DDR1: variants seen among roughly 807,000 people sequenced by gnomAD.
DDR1 encodes the protein epithelial discoidin domain-containing receptor 1.
A neutral mutation model predicts 97.4 loss-of-function variants in DDR1; 64 were observed. The observed-to-expected ratio is 0.66, with a 90% CI of 0.54 to 0.81. The LOEUF (loss-of-function observed/expected upper bound fraction) is 0.81, where lower values mean the gene tolerates loss of function less well. DDR1 is among the 30% of genes least tolerant of loss of function. DDR1 has a pLI of 0.00. For synonymous variants in DDR1, 458 were observed against 503.7 expected (o/e 0.91, Z 1.21); for missense variants, 990 against 1,259.6 (o/e 0.79, Z 3.24).
At position 30,897,160 on chromosome 6, in the gene DDR1, A is replaced by T. The variant is rs763752812; in HGVS notation, c.1997+19A>T. 6 of 1,612,752 alleles carry T rather than the reference A, an allele frequency of 3.7e-6. No individual in the cohort carries two copies. In the South Asian group the frequency reaches 6.6e-5, roughly 18 times the overall value. On this transcript the variant is annotated intron_variant, in intron 14 of 17. Transcript: ENST00000376568. The surrounding 1 kb of genome is among the most constrained non-coding windows in gnomAD (Gnocchi z 5.2). Reference sequence around the variant, plus strand: ...ATGCCAGGTGAGGACCAGGGATGGCATCTGGAAGAAGGGAGGGGAGGCCGT... The same window carrying T: ...ATGCCAGGTGAGGACCAGGGATGGCTTCTGGAAGAAGGGAGGGGAGGCCGT...
In DDR1 at chr6:30,895,487, G is replaced by T. The variant is rs138565451; in HGVS notation, c.1597G>T (p.Ala533Ser). The change falls in exon 12 of 18, where the codon GCC becomes TCC. Residue 533 changes from alanine (A) to serine (S), a missense_variant. Transcript: ENST00000376568. The part of the protein sequence containing the change: ...PPRGPGPPTP[A>S]WAKPTNTQAY... ...TCGAGGCCCGGGCCCCCCCACACCC[G>T]CCTGGGCCAAACCCACCAACACCCA... 2.6e-5 allele frequency: 42 copies of T among 1,600,546 alleles called. No homozygotes were observed. In the African/African-American group the frequency reaches 4.6e-4, roughly 17 times the overall value.
chr6:30,891,545 G>GTGTGTT lies in DDR1; in HGVS notation c.665+71_665+72insTTGTGT. 1.1e-6 allele frequency: 1 copy of GTGTGTT among 930,592 alleles called. No homozygotes were observed. Among genetic ancestry groups the GTGTGTT allele is most frequent in the Admixed American group, 2.1e-5 (1 of 47,572 alleles). 57.6% of individuals were successfully genotyped at this position (930,592 alleles called of 1,614,324 possible). A position where few individuals can be genotyped will look rare whatever the true frequency, so the allele number is the denominator to read the frequency against. On this transcript the variant is annotated intron_variant, in intron 6 of 17. Coordinates refer to ENST00000376568, the MANE Select transcript of DDR1 (RefSeq NM_001297654.2). This position sits in a 1 kb window ranked among gnomAD's most constrained non-coding sequence, Gnocchi z 5.3. ...GGGAGGACTGTGTGTGTGTGTGTGT[G>GTGTGTT]TGTGTGTGTGTGAGAGTGTGTGTGT...
chr6:30,885,614 C>T, intron 1 of DDR1: 1 of 1,367,760 alleles, frequency 7.3e-7, no homozygotes, highest in Non-Finnish European at 9.6e-7. Context: ...TCTGTCATTT[C>T]ATGTTCACAG....
Position 30,891,988 on chromosome 6 carries a change from C to T in DDR1, c.666-14C>T. ...CCCTTCCAACCTCCTCTTCCTTGGT[C>T]CCCTCTTCTCCAGACTGCAGTATGG... On this transcript the variant is annotated splice_polypyrimidine_tract_variant and intron_variant, in intron 6 of 17. Transcript: ENST00000376568. This position sits in a 1 kb window ranked among gnomAD's most constrained non-coding sequence, Gnocchi z 5.3. 6.2e-7 allele frequency: 1 copy of T among 1,613,330 alleles called. No homozygotes were observed.
chr6:30,893,009 C>A lies in DDR1; in HGVS notation c.1100-59C>A, dbSNP rs1287514231. On this transcript the variant is annotated intron_variant, in intron 8 of 17. Coordinates refer to ENST00000376568, the MANE Select transcript of DDR1 (RefSeq NM_001297654.2). ...TTTGCACAACAGTCCACTGCCTCTG[C>A]CTCCCTTGGGTCTCCTCCTCATTTA... 5.6e-6 allele frequency: 8 copies of A among 1,441,440 alleles called. No individual in the cohort carries two copies. The Admixed American group carries it at 1.2e-4, about 22-fold the overall frequency. 89.3% of individuals were successfully genotyped at this position (1,441,440 alleles called of 1,614,324 possible).
Position 30,899,570 on chromosome 6 carries a change from C to G in DDR1, c.*274C>G. 1 of 532,606 alleles carries G rather than the reference C, an allele frequency of 1.9e-6. No individual in the cohort carries two copies. The highest frequency in any genetic ancestry group is 3.3e-6 in the Non-Finnish European group (1 of 301,682). 33.0% of individuals were successfully genotyped at this position (532,606 alleles called of 1,614,324 possible). A position where few individuals can be genotyped will look rare whatever the true frequency, so the allele number is the denominator to read the frequency against. On this transcript the variant is annotated 3_prime_UTR_variant, in exon 18 of 18. Transcript: ENST00000376568. ...TCCTGTGGATGGGATCCTCTCCACC[C>G]TCCTCTAGCCATCCCTTGGGGAAGG... is the stretch of plus-strand genomic sequence containing the variant.
At position 30,891,626 on chromosome 6, in the gene DDR1, T is replaced by TAG. The variant is rs1168700329; in HGVS notation, c.665+147_665+148insAG. 1.5e-6 allele frequency: 1 copy of TAG among 664,204 alleles called. No homozygotes were observed. Among genetic ancestry groups the TAG allele is most frequent in the African/African-American group, 1.8e-5 (1 of 55,064 alleles). The allele number at this position is 664,204 out of a possible 1,614,324, so 41.1% of individuals were successfully genotyped here. ...GAGATGGAAGAGCTGAGAAGAGGGA[T>TAG]GGGTTAGGTGGGGCCTCAAAGGGTA... On this transcript the variant is annotated intron_variant, in intron 6 of 17. Transcript: ENST00000376568. The surrounding 1 kb of genome is among the most constrained non-coding windows in gnomAD (Gnocchi z 5.3).
chr6:30,885,222 G>A, intron 1 of DDR1: 1 of 1,533,504 alleles, frequency 6.5e-7, no homozygotes, highest in Non-Finnish European at 8.7e-7. Context: ...ATGAGAGAAT[G>A]TCACTGCCGG....
chr6:30,885,467 C>G (rs1000727843), intron 1 of DDR1: 18 of 908,922 alleles, frequency 2.0e-5, no homozygotes, highest in Non-Finnish European at 2.9e-5. Flanking sequence ...CCCACCTGTT[C>G]CCTGCCCCCT....
intron 1 of DDR1, chr6:30,885,638 G>A: frequency 7.4e-7 from 1 of 1,351,202 alleles, no homozygotes; most frequent in Non-Finnish European, 9.7e-7. Flanking sequence ...TCTGAAGGTG[G>A]CTATTCACTG....
At chr6:30,896,937 C>T in intron 13 of DDR1, 72 bp downstream of exon 13, 2 of 1,571,328 alleles carry the variant, frequency 1.3e-6, no homozygotes, top group Non-Finnish European at 1.7e-6. Flanking sequence ...TCCCCCTAGC[C>T]AGGAACCTTA....
In DDR1 at chr6:30,895,439, C is replaced by T. The variant is rs759245439; in HGVS notation, c.1549C>T (p.Leu517=). The T allele has an allele frequency of 1.9e-6, 3 of 1,611,064 alleles. No individual in the cohort carries two copies. In the African/African-American group the frequency reaches 4.0e-5, roughly 22 times the overall value. ...CTCCAATCCAGCCTACCGCCTCCTT[C>T]TGGCCACTTACGCCCGTCCCCCTCG... is the stretch of plus-strand genomic sequence containing the variant. ...LLSNPAYRLL[L]ATYARPPRGP... is the part of the protein sequence containing the mutation. The change falls in exon 12 of 18, where the codon CTG becomes TTG. Residue 517 remains leucine (L), a synonymous_variant. Coordinates refer to ENST00000376568, the MANE Select transcript of DDR1 (RefSeq NM_001297654.2).
At position 30,897,437 on chromosome 6, in the gene DDR1, C is replaced by G; in HGVS notation, c.2056C>G (p.Arg686Gly). 16 of 1,614,148 alleles carry G rather than the reference C, an allele frequency of 9.9e-6. No homozygotes were observed. The highest frequency in any genetic ancestry group is 1.3e-5 in the Non-Finnish European group (15 of 1,180,026). The stretch of plus-strand genomic sequence containing the variant: ...GAGGCTCAAGGACCCAAACATCATT[C>G]GGCTGCTGGGCGTGTGTGTGCAGGA... ...MSRLKDPNII[R>G]LLGVCVQDDP... is the part of the protein sequence containing the mutation. Residue 686 changes from arginine (R) to glycine (G), a missense_variant, in exon 15 of 18, where the codon CGG (arginine) becomes GGG (glycine). Physicochemically the swap from Arg to Gly is moderately radical, Grantham distance 125 (BLOSUM62 -2). Coordinates refer to ENST00000376568, the MANE Select transcript of DDR1 (RefSeq NM_001297654.2). This position sits in a 1 kb window ranked among gnomAD's most constrained non-coding sequence, Gnocchi z 5.2.
At position 30,898,202 on chromosome 6, in the gene DDR1, C is replaced by G. The variant is rs368874569; in HGVS notation, c.2346C>G (p.Ile782Met). The change falls in exon 16 of 18, where the codon ATC becomes ATG. Residue 782 changes from isoleucine (I) to methionine (M), a missense_variant. By Grantham distance (10) the Ile-to-Met change is conservative. Coordinates refer to ENST00000376568, the MANE Select transcript of DDR1 (RefSeq NM_001297654.2). ...TTGGGGAAAATTTCACCATCAAAAT[C>G]GCAGACTTTGGCATGAGCCGGAACC... ...CLVGENFTIK[I>M]ADFGMSRNLY... is the part of the protein sequence containing the mutation. The G allele has an allele frequency of 6.2e-7, 1 of 1,614,122 alleles. No individual in the cohort carries two copies. Among genetic ancestry groups the G allele is most frequent in the Non-Finnish European group, 8.5e-7 (1 of 1,180,046 alleles).
At position 30,899,416 on chromosome 6, in the gene DDR1, G is replaced by C; in HGVS notation, c.*120G>C. On this transcript the variant is annotated 3_prime_UTR_variant, in exon 18 of 18. Transcript: ENST00000376568. The stretch of plus-strand genomic sequence containing the variant: ...TCCCGACAGCCCATCACCTCTAATA[G>C]AGGCAGTGAGACTGCAGGTGGGCTG... The C allele has an allele frequency of 7.5e-7, 1 of 1,332,338 alleles. No individual in the cohort carries two copies. The highest frequency in any genetic ancestry group is 1.0e-6 in the Non-Finnish European group (1 of 993,094). The allele number at this position is 1,332,338 out of a possible 1,614,324, so 82.5% of individuals were successfully genotyped here.
Position 30,898,215 on chromosome 6 carries a change from A to C in DDR1, c.2359A>C (p.Met787Leu). Residue 787 changes from methionine (M) to leucine (L), a missense_variant, in exon 16 of 18, where the codon ATG (methionine) becomes CTG (leucine). Met to Leu is a conservative substitution (Grantham distance 15). Transcript: ENST00000376568. ...CACCATCAAAATCGCAGACTTTGGC[A>C]TGAGCCGGAACCTCTATGCTGGGGA... is the stretch of plus-strand genomic sequence containing the variant. The part of the protein sequence containing the change: ...NFTIKIADFG[M>L]SRNLYAGDYY... The C allele has an allele frequency of 6.2e-7, 1 of 1,614,220 alleles. No individual in the cohort carries two copies. Among genetic ancestry groups the C allele is most frequent in the Non-Finnish European group, 8.5e-7 (1 of 1,180,046 alleles).
At chr6:30,885,912 A>T in intron 1 of DDR1, 2 of 980,304 alleles carry the variant, frequency 2.0e-6, no homozygotes, top group South Asian at 1.3e-5. Flanking sequence ...GGCTTGAGGC[A>T]GGGTGGCCTG....
chr6:30,894,730 C>T lies in DDR1; in HGVS notation c.1513+59C>T. On this transcript the variant is annotated intron_variant, in intron 11 of 17. Transcript: ENST00000376568. The surrounding 1 kb of genome is among the most constrained non-coding windows in gnomAD (Gnocchi z 5.7). ...CCTCTCTGCTGTTTTCTTATTGTATCCCTTTCCCATTCTCTTTTTTTCCTG... is the reference window on the plus strand; with the variant it reads ...CCTCTCTGCTGTTTTCTTATTGTATTCCTTTCCCATTCTCTTTTTTTCCTG... The T allele has an allele frequency of 6.8e-7, 1 of 1,472,726 alleles. No homozygotes were observed. The highest frequency in any genetic ancestry group is 9.0e-7 in the Non-Finnish European group (1 of 1,105,102). The allele number at this position is 1,472,726 out of a possible 1,614,324, so 91.2% of individuals were successfully genotyped here. A position where few individuals can be genotyped will look rare whatever the true frequency, so the allele number is the denominator to read the frequency against.
At chr6:30,896,036 C>G (rs1790643019) in intron 12 of DDR1, among the ~76,000 whole-genome samples, 1 of 152,000 alleles carries the variant, frequency 6.6e-6, no homozygotes, top group Non-Finnish European at 1.5e-5. Flanking sequence ...TCTGCTTCCT[C>G]TCCTGTCTGT....
Sources: allele counts gnomAD v4.1 joint callset (sites outside exome capture counted in the v4.1 genomes callset), GRCh38; gene constraint gnomAD v4.1.1; non-coding constraint Gnocchi (gnomAD v3.1); transcripts MANE v1.5; gene names NCBI Gene and HGNC (gene_info 2026-07-23, HGNC 2026-07-21).